The following NBPF9 variants were observed in gnomAD, a reference collection of about 807,000 sequenced individuals.
NBPF9 encodes the protein NBPF member 9.
Under a neutral mutation model 97.8 loss-of-function variants are expected in NBPF9, and 91 were observed. The ratio of observed to expected loss-of-function variants is 0.93; its 90% CI spans 0.79 to 1.11. NBPF9 has a LOEUF of 1.11. Ranked by LOEUF, NBPF9 falls within the 50% of genes least tolerant of loss-of-function variation. The probability of loss-of-function intolerance (pLI) is 0.00; values close to 1 mark genes in which losing one functional copy is unlikely to be tolerated. For synonymous variants in NBPF9, 334 were observed against 359.5 expected (o/e 0.93, Z 0.80); for missense variants, 992 against 939.5 (o/e 1.06, Z -0.73).
intron 10 of NBPF9, 111 bp downstream of exon 10, chr1:149,077,772 T>C (rs1219808684): frequency 2.1e-6 from 3 of 1,462,486 alleles, no homozygotes; most frequent in African/African-American, 1.4e-5. Context: ...TCACATACTG[T>C]GGCCAAGGGG....
Position 149,075,739 on chromosome 1 carries a change from T to A in NBPF9, c.904A>T (p.Lys302Ter), listed in dbSNP as rs1553654143. Residue 302 changes from lysine to a stop codon, truncating the protein, a stop_gained, in exon 12 of 30, where the codon AAG (lysine) becomes TAG (stop). Coordinates refer to ENST00000584027, the Ensembl canonical transcript of NBPF9. LOFTEE classifies it high-confidence loss of function. The stretch of plus-strand genomic sequence containing the variant: ...TTGAGGTTTCTGAACTGCTGTTTCT[T>A]CTCTGCCAGCTGGGGGCGCAATTTC... 6.2e-7 allele frequency: 1 copy of A among 1,601,992 alleles called. No homozygotes were observed. Among genetic ancestry groups the A allele is most frequent in the Non-Finnish European group, 8.5e-7 (1 of 1,169,714 alleles).
At chr1:149,073,272 A>G (rs1236497383) in intron 13 of NBPF9, among the ~76,000 whole-genome samples, 1 of 143,940 alleles carries the variant, frequency 6.9e-6, no homozygotes, top group Non-Finnish European at 1.5e-5. Flanking sequence ...CACATAGTGC[A>G]TCTTGCGGCC....
At chr1:149,080,422 T>TCA (rs1185144960) in intron 7 of NBPF9, among the ~76,000 whole-genome samples, 1 of 150,984 alleles carries the variant, frequency 6.6e-6, no homozygotes, top group Admixed American at 6.6e-5. Context: ...GAGTCAGAAC[T>TCA]CACAGCCCCT....
chr1:149,103,482 C>T (rs372231237), exon 1 of NBPF9: 2 of 152,434 alleles, frequency 1.3e-5, no homozygotes, highest in African/African-American at 2.4e-5. Flanking sequence ...CCAATATCGC[C>T]GCTGTCTCAA....
chr1:149,103,196 C>A (rs1313590049), intron 1 of NBPF9, 105 bp downstream of exon 1: 2 of 150,774 alleles, frequency 1.3e-5, no homozygotes, highest in Admixed American at 6.6e-5. Context: ...CCCCGCCTCG[C>A]CCTCCGTCGC....
intron 3 of NBPF9, among the ~76,000 whole-genome samples, chr1:149,099,444 G>T (rs1553662725): frequency 6.6e-6 from 1 of 152,158 alleles, no homozygotes; most frequent in South Asian, 2.1e-4. Flanking sequence ...TGGTATATTA[G>T]TATGTTCATT....
At position 149,075,794 on chromosome 1, in the gene NBPF9, C is replaced by T. The variant is rs1199457487; in HGVS notation, c.849G>A (p.Lys283=). Residue 283 remains lysine, a synonymous_variant, in exon 12 of 30, where the codon AAG becomes AAA. Transcript: ENST00000584027. The stretch of plus-strand genomic sequence containing the variant: ...TGATTTCTAGAATGTTCATCTCTGC[C>T]TTCTCGCTGGACAAAGGGCCGGCTG... 1.9e-6 allele frequency: 3 copies of T among 1,586,318 alleles called. No homozygotes were observed. The African/African-American group carries it at 4.0e-5, about 21-fold the overall frequency.
At chr1:149,097,210 T>A (rs1248672997) in intron 4 of NBPF9, among the ~76,000 whole-genome samples, 1 of 149,242 alleles carries the variant, frequency 6.7e-6, no homozygotes, top group Non-Finnish European at 1.5e-5. Flanking sequence ...AGGAAGGAAA[T>A]GAACAAATTT....
At chr1:149,079,489 C>G (rs1305574552) in intron 8 of NBPF9, among the ~76,000 whole-genome samples, 2 of 151,048 alleles carry the variant, frequency 1.3e-5, no homozygotes, top group Non-Finnish European at 2.9e-5. Context: ...TTCCTAATTC[C>G]CTTTCAGAAA....
At chr1:149,081,444 C>T (rs1204539662) in intron 7 of NBPF9, among the ~76,000 whole-genome samples, 4 of 149,888 alleles carry the variant, frequency 2.7e-5, no homozygotes, top group South Asian at 2.2e-4. Context: ...GATGCTGTCA[C>T]TTATAGGTAG....
chr1:149,086,699 C>G (rs1342618461), intron 5 of NBPF9, among the ~76,000 whole-genome samples: 1 of 151,904 alleles, frequency 6.6e-6, no homozygotes, highest in African/African-American at 2.4e-5. Flanking sequence ...TACATTAGCT[C>G]AGGAAAACTT....
intron 5 of NBPF9, 33 bp downstream of exon 5, chr1:149,090,720 C>T (rs1301102550): frequency 3.6e-6 from 2 of 551,490 alleles, no homozygotes; most frequent in African/African-American, 3.9e-5. Flanking sequence ...CTGGTAGCAT[C>T]TTTCAGAAAG....
At position 149,068,196 on chromosome 1, in the gene NBPF9, C is replaced by T. The variant is rs1245691072; in HGVS notation, c.1637+1398G>A. Among the ~76,000 whole-genome samples, 27 of 149,094 alleles carry T rather than the reference C, an allele frequency of 1.8e-4. 1 individual carries two copies. Among genetic ancestry groups the T allele is most frequent in the East Asian group, 1.2e-3 (5 of 4,188 alleles). On this transcript the variant is annotated intron_variant, in intron 17 of 29. Coordinates refer to ENST00000584027, the Ensembl canonical transcript of NBPF9. ...CATGCCAAACTCTAAAGACCATTGACGCTAGGAAGAAACTGCATCAACTAA... is the reference window on the plus strand; with the variant it reads ...CATGCCAAACTCTAAAGACCATTGATGCTAGGAAGAAACTGCATCAACTAA...
At chr1:149,098,573 C>A (rs1214174684) in exon 4 of NBPF9, 3 of 1,444,474 alleles carry the variant, frequency 2.1e-6, no homozygotes, top group Middle Eastern at 2.6e-4. Flanking sequence ...GTGGCACCCC[C>A]AGCATGGAGG....
chr1:149,062,199 A>C lies in NBPF9; in HGVS notation c.2145T>G (p.Tyr715Ter), dbSNP rs782009457. 1.5e-5 allele frequency: 15 copies of C among 1,032,770 alleles called. No homozygotes were observed. Among genetic ancestry groups the C allele is most frequent in the Non-Finnish European group, 2.3e-5 (15 of 653,784 alleles). 64.0% of individuals were successfully genotyped at this position (1,032,770 alleles called of 1,614,324 possible). Residue 715 changes from tyrosine (Y) to a stop codon, truncating the protein, a stop_gained, in exon 22 of 30, where the codon TAT becomes TAG. Coordinates refer to ENST00000584027, the Ensembl canonical transcript of NBPF9. LOFTEE classifies it high-confidence loss of function. Reference sequence around the variant, plus strand: ...GTTCAAGATAACCTGAAGGAGTCGAATACCATCTACCCAGTGAGTCCTGCA... The same window carrying C: ...GTTCAAGATAACCTGAAGGAGTCGACTACCATCTACCCAGTGAGTCCTGCA...
exon 30 of NBPF9, chr1:149,055,791 C>T: frequency 2.5e-6 from 4 of 1,611,328 alleles, no homozygotes; most frequent in South Asian, 1.1e-5. Flanking sequence ...TTCTGTAGTG[C>T]TGGAATGAGT....
intron 5 of NBPF9, among the ~76,000 whole-genome samples, chr1:149,087,695 C>G (rs1575867737): frequency 6.7e-6 from 1 of 149,970 alleles, no homozygotes; most frequent in East Asian, 2.0e-4. Flanking sequence ...GAAGAACTGA[C>G]TTTTTAAACA....
At chr1:149,084,896 G>A (rs1404505294) in intron 5 of NBPF9, among the ~76,000 whole-genome samples, 4 of 150,972 alleles carry the variant, frequency 2.6e-5, no homozygotes, top group African/African-American at 4.9e-5. Flanking sequence ...CACCTTCAAC[G>A]TCATTGTCAC....
At position 149,078,920 on chromosome 1, in the gene NBPF9, G is replaced by A; in HGVS notation, c.493+87C>T. 16 of 1,572,430 alleles carry A rather than the reference G, an allele frequency of 1.0e-5. 1 individual carries two copies. The highest frequency in any genetic ancestry group is 4.6e-4 in the Middle Eastern group (2 of 4,350). On this transcript the variant is annotated intron_variant, in intron 9 of 29. Transcript: ENST00000584027. ...ATGTGTAGCAGAAAAAAACCCCACT[G>A]ATACAACTGTCATTGTGAAAGTATG...
Sources: allele counts gnomAD v4.1 joint callset (sites outside exome capture counted in the v4.1 genomes callset), GRCh38; gene constraint gnomAD v4.1.1; transcripts MANE v1.5; gene names NCBI Gene and HGNC (gene_info 2026-07-23, HGNC 2026-07-21).